The following OSTM1 variants were observed in gnomAD, a reference collection of about 807,000 sequenced individuals.
OSTM1 encodes osteoclastogenesis associated transmembrane protein 1.
A neutral mutation model predicts 35.4 loss-of-function variants in OSTM1; 26 were observed. The ratio of observed to expected loss-of-function variants is 0.73; its 90% CI spans 0.54 to 1.02. The LOEUF is 1.02. Among genes scored for constraint, OSTM1 ranks in the 50% least tolerant of loss-of-function variants. OSTM1 has a pLI of 0.00. For missense variants in OSTM1, 366 were observed against 409.6 expected, an observed-to-expected ratio of 0.89 and a Z score of 0.92; for synonymous variants, 181 against 165.0, an observed-to-expected ratio of 1.10 and a Z score of -0.75.
rs1310964402 is a variant in OSTM1 at position 108,064,172 on chromosome 6, A to G, written c.517+13T>C. 3.9e-6 allele frequency: 5 copies of G among 1,287,242 alleles called. No individual in the cohort carries two copies. The highest frequency in any genetic ancestry group is 1.5e-5 in the African/African-American group (1 of 68,812). 79.7% of individuals were successfully genotyped at this position (1,287,242 alleles called of 1,614,324 possible). On this transcript the variant is annotated intron_variant, in intron 2 of 5. Transcript: ENST00000193322. ...AACCATAACTGCAACATGAAAATGA[A>G]AGAATTACTTACTTGCACAATTTGC...
intron 5 of OSTM1, among the ~76,000 whole-genome samples, chr6:108,045,853 T>A (rs1237155304): frequency 6.6e-6 from 1 of 152,158 alleles, no homozygotes; most frequent in Non-Finnish European, 1.5e-5. Context: ...GTCTCCCTAC[T>A]TCAGAGCTTC....
intron 2 of OSTM1, among the ~76,000 whole-genome samples, chr6:108,061,184 AT>A (rs1772264373): frequency 6.6e-6 from 1 of 152,170 alleles, no homozygotes; most frequent in Non-Finnish European, 1.5e-5. Flanking sequence ...CGGAAACAAA[AT>A]TTTAAAAGTC....
chr6:108,049,220 T>C, intron 5 of OSTM1, 33 bp downstream of exon 5: 1 of 1,485,160 alleles, frequency 6.7e-7, no homozygotes, highest in East Asian at 2.4e-5. Context: ...TACAGGCTTT[T>C]ATCTATAAAA....
intron 4 of OSTM1, among the ~76,000 whole-genome samples, chr6:108,049,928 C>T (rs1464297350): frequency 2.0e-5 from 3 of 152,168 alleles, no homozygotes; most frequent in African/African-American, 7.2e-5. Context: ...TTCACACATT[C>T]TCAATTCTTA....
intron 1 of OSTM1, among the ~76,000 whole-genome samples, chr6:108,069,936 C>T (rs1163590591): frequency 2.6e-5 from 4 of 152,196 alleles, no homozygotes; most frequent in Non-Finnish European, 5.9e-5. Flanking sequence ...TCTCCTCTCT[C>T]AATCAATCCA....
intron 3 of OSTM1, among the ~76,000 whole-genome samples, chr6:108,053,378 C>T (rs1772115108): frequency 6.6e-6 from 1 of 152,230 alleles, no homozygotes; most frequent in African/African-American, 2.4e-5. Flanking sequence ...TGTTACAACA[C>T]ACATCAGTCC....
At chr6:108,070,971 G>C (rs1168055880) in intron 1 of OSTM1, among the ~76,000 whole-genome samples, 2 of 150,044 alleles carry the variant, frequency 1.3e-5, no homozygotes, top group African/African-American at 2.5e-5. Flanking sequence ...TGCAGATCAC[G>C]AGGTCAGGAG....
Position 108,051,123 on chromosome 6 carries a change from G to C in OSTM1, c.691C>G (p.Leu231Val). ...CKNCREAYKTLSSLYSEMQKM... is the reference protein window; with the variant it reads ...CKNCREAYKTVSSLYSEMQKM... ...TGCATTTCACTGTACAGACTACTCAGAGTTTTGTATGCTTCACGGCAGTTT... is the reference window on the plus strand; with the variant it reads ...TGCATTTCACTGTACAGACTACTCACAGTTTTGTATGCTTCACGGCAGTTT... Residue 231 changes from leucine to valine, a missense_variant, in exon 4 of 6, where the codon CTG becomes GTG. Leu to Val is a conservative substitution (Grantham distance 32). Around this residue, in one of 3 missense-constraint regions of OSTM1, gnomAD observed 125 missense variants for 151.7 expected, o/e 0.82. Coordinates refer to ENST00000193322, the MANE Select transcript of OSTM1 (RefSeq NM_014028.4). 1 of 1,613,468 alleles carries C rather than the reference G, an allele frequency of 6.2e-7. No individual in the cohort carries two copies. The highest frequency in any genetic ancestry group is 1.1e-5 in the South Asian group (1 of 91,070).
Position 108,050,358 on chromosome 6 carries a change from C to CTTTTTTT in OSTM1, c.783+666_783+672dup, listed in dbSNP as rs759901355. Reference sequence around the variant, plus strand: ...AACATGTAGTGAAATCCAGAAACGTCTTTTTTTTTTTTTTTTTTTTTTTGA... The same window carrying CTTTTTTT: ...AACATGTAGTGAAATCCAGAAACGTCTTTTTTTTTTTTTTTTTTTTTTTTTTTTTTGA... On this transcript the variant is annotated intron_variant, in intron 4 of 5. Transcript: ENST00000193322. Among the ~76,000 whole-genome samples the CTTTTTTT allele has an allele frequency of 1.4e-4, 15 of 104,820 alleles. 1 individual carries two copies. The highest frequency in any genetic ancestry group is 2.6e-4 in the African/African-American group (7 of 26,932). 68.8% of individuals were successfully genotyped at this position (104,820 alleles called of 152,430 possible). A position where few individuals can be genotyped will look rare whatever the true frequency, so the allele number is the denominator to read the frequency against.
intron 2 of OSTM1, among the ~76,000 whole-genome samples, chr6:108,059,246 G>A (rs1198681018): frequency 6.6e-6 from 1 of 152,200 alleles, no homozygotes; most frequent in Admixed American, 6.5e-5. Flanking sequence ...TTAAAATTCT[G>A]AGAAACCTTT....
intron 4 of OSTM1, among the ~76,000 whole-genome samples, chr6:108,049,953 G>A (rs1409099552): frequency 6.6e-6 from 1 of 152,058 alleles, no homozygotes; most frequent in Non-Finnish European, 1.5e-5. Flanking sequence ...CATTAATTCT[G>A]ACCTCAAGTT....
At chr6:108,048,269 G>C (rs1772014648) in intron 5 of OSTM1, among the ~76,000 whole-genome samples, 1 of 152,168 alleles carries the variant, frequency 6.6e-6, no homozygotes, top group Non-Finnish European at 1.5e-5. Context: ...TGAGAGAAAA[G>C]AAAATTAACC....
intron 5 of OSTM1, among the ~76,000 whole-genome samples, chr6:108,046,485 G>A (rs1275816568): frequency 6.7e-6 from 1 of 149,814 alleles, no homozygotes; most frequent in Non-Finnish European, 1.5e-5. Flanking sequence ...GGGACTACAG[G>A]CGTCTGCCAC....
intron 2 of OSTM1, among the ~76,000 whole-genome samples, chr6:108,058,371 A>C (rs1375641202): frequency 1.3e-5 from 2 of 152,210 alleles, no homozygotes; most frequent in African/African-American, 2.4e-5. Flanking sequence ...AAACTACGGC[A>C]ACTTTGTACC....
chr6:108,070,609 G>T (rs921185160), intron 1 of OSTM1, among the ~76,000 whole-genome samples: 8 of 152,160 alleles, frequency 5.3e-5, no homozygotes, highest in African/African-American at 1.9e-4. Context: ...CACTGGATAG[G>T]CTGGGCGTGG....
Position 108,042,394 on chromosome 6 carries a change from C to T in OSTM1, c.*2391G>A, listed in dbSNP as rs1420208878. The T allele has an allele frequency of 6.8e-6, 1 of 147,066 alleles. No homozygotes were observed. Among genetic ancestry groups the T allele is most frequent in the African/African-American group, 2.5e-5 (1 of 40,102 alleles). The allele number at this position is 147,066 out of a possible 1,614,324, so 9.1% of individuals were successfully genotyped here. ...TTTTTATTTGCAGCAAAATTTAAGA[C>T]AGACAGTACTTTCTTTTTTCTTTTT... On this transcript the variant is annotated 3_prime_UTR_variant, in exon 6 of 6. Transcript: ENST00000193322.
Position 108,064,217 on chromosome 6 carries a change from A to C in OSTM1, c.485T>G (p.Phe162Cys). 6.2e-7 allele frequency: 1 copy of C among 1,601,516 alleles called. No individual in the cohort carries two copies. The highest frequency in any genetic ancestry group is 8.5e-7 in the Non-Finnish European group (1 of 1,170,264). The change falls in exon 2 of 6, where the codon TTT becomes TGT. Residue 162 changes from phenylalanine (F) to cysteine (C), a missense_variant. This residue lies in a region of OSTM1 where 236 missense variants were observed against 239.3 expected (regional missense o/e 0.99). Transcript: ENST00000193322. ...MQIVVILSEF[F>C]NTTWQEANCA... ...ATTTGCCTCCTGCCATGTGGTATTA[A>C]AAAATTCTGAGAGAATCACAACTAT... is the stretch of plus-strand genomic sequence containing the variant.
chr6:108,051,320 T>A lies in OSTM1; in HGVS notation c.616-122A>T, dbSNP rs571584479. On this transcript the variant is annotated intron_variant, in intron 3 of 5. Coordinates refer to ENST00000193322, the MANE Select transcript of OSTM1 (RefSeq NM_014028.4). ...TATGGTGTGTTAAAGTGCTAAGCTG[T>A]GATGTTGAGTAGGTTACTAAATCAC... 2.1e-4 allele frequency: 150 copies of A among 706,394 alleles called. No homozygotes were observed. The South Asian group carries it at 2.7e-3, about 13-fold the overall frequency. 43.8% of individuals were successfully genotyped at this position (706,394 alleles called of 1,614,324 possible).
intron 2 of OSTM1, among the ~76,000 whole-genome samples, chr6:108,057,185 C>A (rs1334437157): frequency 6.6e-6 from 1 of 152,102 alleles, no homozygotes; most frequent in Non-Finnish European, 1.5e-5. Flanking sequence ...GCTGTGATTG[C>A]GCCACTGCAT....
Sources: gnomAD v4.1 joint callset for allele counts (sites outside exome capture counted in the v4.1 genomes callset) on GRCh38, gnomAD v4.1.1 for gene constraint, gnomAD v4.1.1 regional missense constraint, MANE v1.5 for transcripts, NCBI Gene and HGNC (gene_info 2026-07-23, HGNC 2026-07-21) for gene names.